CIMAP2: variants seen among roughly 807,000 people sequenced by gnomAD.
CIMAP2 encodes ciliary microtubule-associated protein 2.
chr1:54,833,577 A>C, the CIMAP2 span, among the ~76,000 whole-genome samples: 1 of 152,084 alleles, frequency 6.6e-6, no homozygotes, highest in Admixed American at 6.5e-5. Flanking sequence ...GATTTAACTC[A>C]TGTGTGGGAA....
At chr1:54,809,087 A>G in the CIMAP2 span, among the ~76,000 whole-genome samples, 1 of 152,202 alleles carries the variant, frequency 6.6e-6, no homozygotes, top group African/African-American at 2.4e-5. Context: ...TAGGCACGCA[A>G]TAAGTATTTG....
At chr1:54,836,906 C>G in the CIMAP2 span, among the ~76,000 whole-genome samples, 1 of 152,014 alleles carries the variant, frequency 6.6e-6, no homozygotes, top group African/African-American at 2.4e-5. Flanking sequence ...GGAGTCTGGT[C>G]TCTGCTGATG....
At chr1:54,812,179 A>G in the CIMAP2 span, 5 of 1,613,906 alleles carry the variant, frequency 3.1e-6, no homozygotes, top group South Asian at 4.4e-5. Context: ...TATGGGCACT[A>G]CTCCATGCAG....
At chr1:54,808,087 C>T in the CIMAP2 span, 3 of 1,430,170 alleles carry the variant, frequency 2.1e-6, no homozygotes, top group Non-Finnish European at 2.8e-6. Context: ...CATTCACTTA[C>T]ATATCCATCC....
At chr1:54,816,452 G>T in the CIMAP2 span, among the ~76,000 whole-genome samples, 1 of 152,172 alleles carries the variant, frequency 6.6e-6, no homozygotes, top group African/African-American at 2.4e-5. Context: ...CCGATATCTG[G>T]GTGGGATGCT....
At chr1:54,814,727 A>G in the CIMAP2 span, among the ~76,000 whole-genome samples, 1 of 152,102 alleles carries the variant, frequency 6.6e-6, no homozygotes, top group Non-Finnish European at 1.5e-5. Flanking sequence ...GGTGTTTGTT[A>G]GAGTGGGTGG....
the CIMAP2 span, among the ~76,000 whole-genome samples, chr1:54,834,056 T>G: frequency 6.6e-6 from 1 of 152,200 alleles, no homozygotes. Context: ...CAGGCTGGTC[T>G]CAAACTCCTG....
chr1:54,808,595 G>A, the CIMAP2 span, among the ~76,000 whole-genome samples: 1 of 137,092 alleles, frequency 7.3e-6, no homozygotes, highest in South Asian at 2.9e-4. Context: ...GGGCCTTGGT[G>A]TTATTCCAGG....
chr1:54,813,681 CGGCCTCCG>C, the CIMAP2 span: 4 of 1,043,660 alleles, frequency 3.8e-6, no homozygotes, highest in Non-Finnish European at 5.3e-6. Context: ...GCCCGGCCTC[CGGCCTCCG>C]GGATGTCTGC....
the CIMAP2 span, among the ~76,000 whole-genome samples, chr1:54,814,597 G>C: frequency 6.6e-6 from 1 of 152,252 alleles, no homozygotes; most frequent in Non-Finnish European, 1.5e-5. Context: ...TTGGAACCCA[G>C]CTCATCTGGC....
the CIMAP2 span, chr1:54,811,768 T>TGGGGGGGGG: frequency 5.6e-6 from 3 of 533,350 alleles, no homozygotes; most frequent in Non-Finnish European, 1.1e-5. Flanking sequence ...TCTGACAGCC[T>TGGGGGGGGG]CCATGCCCCC....
At chr1:54,811,765 G>GCCGGGGGGGGGGGGCGGCCCCC in the CIMAP2 span, 1 of 1,301,330 alleles carries the variant, frequency 7.7e-7, no homozygotes. Context: ...GGTTCTGACA[G>GCCGGGGGGGGGGGGCGGCCCCC]CCTCCATGCC....
the CIMAP2 span, among the ~76,000 whole-genome samples, chr1:54,834,095 C>T: frequency 6.6e-6 from 1 of 152,200 alleles, no homozygotes; most frequent in Non-Finnish European, 1.5e-5. Context: ...GCCTCAGCCT[C>T]CCAAAGTGCT....
At chr1:54,822,729 C>T in the CIMAP2 span, among the ~76,000 whole-genome samples, 1 of 152,118 alleles carries the variant, frequency 6.6e-6, no homozygotes, top group Non-Finnish European at 1.5e-5. Flanking sequence ...TGATCTTGAA[C>T]TCCTGGGCTC....
chr1:54,839,221 T>C, the CIMAP2 span, among the ~76,000 whole-genome samples: 113 of 152,134 alleles, frequency 7.4e-4, no homozygotes, highest in Non-Finnish European at 1.3e-3. Context: ...TGGCCCATTT[T>C]GAGTGATGTG....
chr1:54,830,106 G>A, the CIMAP2 span, among the ~76,000 whole-genome samples: 2 of 152,150 alleles, frequency 1.3e-5, no homozygotes, highest in South Asian at 4.1e-4. This position sits in a 1 kb window ranked among gnomAD's most constrained non-coding sequence, Gnocchi z 4.1. Flanking sequence ...CCTCTCTGGG[G>A]GTTGTAAGCT....
chr1:54,811,684 A>G, the CIMAP2 span: 7 of 1,304,736 alleles, frequency 5.4e-6, no homozygotes, highest in African/African-American at 8.7e-5. Context: ...GGACACCCTG[A>G]AAATCCCATT....
chr1:54,807,708 A>G, the CIMAP2 span: 154 of 1,564,136 alleles, frequency 9.8e-5, 2 homozygotes, highest in South Asian at 1.5e-3. Flanking sequence ...CTCTGGGGCC[A>G]TGCCTCTCCC....
chr1:54,842,202 A>G, the CIMAP2 span: 2 of 397,320 alleles, frequency 5.0e-6, no homozygotes, highest in Non-Finnish European at 4.6e-6. Context: ...GACCCTTTCT[A>G]TTCTAAAGCC....
Sources: allele counts gnomAD v4.1 joint callset (sites outside exome capture counted in the v4.1 genomes callset), GRCh38; gene constraint gnomAD v4.1.1; non-coding constraint Gnocchi (gnomAD v3.1); transcripts MANE v1.5; gene names NCBI Gene and HGNC (gene_info 2026-07-23, HGNC 2026-07-21).